The following KCTD16 variants were observed in gnomAD, a reference collection of about 807,000 sequenced individuals.
The protein encoded by KCTD16 is BTB/POZ domain-containing protein KCTD16.
A neutral mutation model predicts 33.2 loss-of-function variants in KCTD16; 13 were observed. The observed-to-expected ratio is 0.39, with a 90% CI of 0.25 to 0.62. The LOEUF is 0.62. Ranked by LOEUF, KCTD16 falls within the 20% of genes least tolerant of loss-of-function variation. The probability of loss-of-function intolerance (pLI) is 0.50; values close to 1 mark genes in which losing one functional copy is unlikely to be tolerated. For synonymous variants in KCTD16, 197 were observed against 195.3 expected (o/e 1.01, Z -0.07); for missense variants, 441 against 525.1 (o/e 0.84, Z 1.57).
At chr5:144,425,411 A>T (rs1232782537) in intron 3 of KCTD16, among the ~76,000 whole-genome samples, 1 of 151,648 alleles carries the variant, frequency 6.6e-6, no homozygotes, top group Admixed American at 6.6e-5. Flanking sequence ...CCTAGGCTGG[A>T]GCTGCACACT....
chr5:144,338,581 A>G (rs1752548654), intron 3 of KCTD16, among the ~76,000 whole-genome samples: 1 of 152,226 alleles, frequency 6.6e-6, no homozygotes, highest in Non-Finnish European at 1.5e-5. Context: ...GATGAAAGAA[A>G]AAACCCTGGG....
intron 2 of KCTD16, among the ~76,000 whole-genome samples, chr5:144,200,851 C>G (rs1231503473): frequency 6.6e-6 from 1 of 152,190 alleles, no homozygotes; most frequent in Non-Finnish European, 1.5e-5. Context: ...ATTCTCCCCC[C>G]TCAGCCTCCC....
intron 3 of KCTD16, among the ~76,000 whole-genome samples, chr5:144,338,741 G>C (rs1017283969): frequency 6.6e-6 from 1 of 152,278 alleles, no homozygotes; most frequent in Non-Finnish European, 1.5e-5. Flanking sequence ...TGTACTTGGA[G>C]TGAAGTGGAT....
intron 3 of KCTD16, among the ~76,000 whole-genome samples, chr5:144,397,955 G>A (rs923720639): frequency 7.9e-5 from 12 of 152,200 alleles, no homozygotes; most frequent in African/African-American, 2.9e-4. Flanking sequence ...TAAAATGACT[G>A]TGTTGGATAG....
At chr5:144,171,315 A>G (rs1476538765) in intron 1 of KCTD16, among the ~76,000 whole-genome samples, 2 of 152,196 alleles carry the variant, frequency 1.3e-5, no homozygotes, top group African/African-American at 4.8e-5. Flanking sequence ...AGTGGGAGTT[A>G]GAGAAGACCA....
chr5:144,276,863 A>C (rs952492177), intron 3 of KCTD16, among the ~76,000 whole-genome samples: 41 of 151,978 alleles, frequency 2.7e-4, no homozygotes, highest in Non-Finnish European at 5.4e-4. Flanking sequence ...AGATCAAGCC[A>C]CTGCACTCCA....
At chr5:144,307,434 C>T (rs957629211) in intron 3 of KCTD16, among the ~76,000 whole-genome samples, 3 of 152,136 alleles carry the variant, frequency 2.0e-5, no homozygotes, top group African/African-American at 7.2e-5. Context: ...CCCTCAGCAC[C>T]CATCTAGTGC....
intron 2 of KCTD16, among the ~76,000 whole-genome samples, chr5:144,183,994 A>G (rs1752676639): frequency 6.6e-6 from 1 of 152,184 alleles, no homozygotes; most frequent in African/African-American, 2.4e-5. Flanking sequence ...TTGTTACATT[A>G]TCATTCATTT....
intron 2 of KCTD16, among the ~76,000 whole-genome samples, chr5:144,203,927 A>C (rs1753101599): frequency 6.6e-6 from 1 of 152,228 alleles, no homozygotes; most frequent in Non-Finnish European, 1.5e-5. Flanking sequence ...AGCTTAGGGC[A>C]CTAGATGGCG....
At chr5:144,388,370 C>T (rs1052412905) in intron 3 of KCTD16, among the ~76,000 whole-genome samples, 3 of 151,954 alleles carry the variant, frequency 2.0e-5, no homozygotes, top group Non-Finnish European at 2.9e-5. Flanking sequence ...CGTGAGCCAC[C>T]GCGCCCGGCC....
At chr5:144,399,398 T>A (rs977564667) in intron 3 of KCTD16, among the ~76,000 whole-genome samples, 2 of 152,122 alleles carry the variant, frequency 1.3e-5, no homozygotes, top group African/African-American at 4.8e-5. Context: ...AAATAGACAG[T>A]GATTAGGCTT....
At chr5:144,299,096 G>T (rs897789623) in intron 3 of KCTD16, among the ~76,000 whole-genome samples, 3 of 10,782 alleles carry the variant, frequency 2.8e-4, no homozygotes, top group Non-Finnish European at 3.6e-4. Context: ...ATATCACTAT[G>T]TATATATATA....
intron 3 of KCTD16, among the ~76,000 whole-genome samples, chr5:144,373,328 A>C (rs1263870939): frequency 6.6e-6 from 1 of 152,220 alleles, no homozygotes; most frequent in East Asian, 1.9e-4. Context: ...GTGGTAAGCA[A>C]GACATGGGTG....
At chr5:144,448,309 C>G (rs1219633075) in intron 3 of KCTD16, among the ~76,000 whole-genome samples, 2 of 152,040 alleles carry the variant, frequency 1.3e-5, no homozygotes, top group Non-Finnish European at 2.9e-5. Flanking sequence ...CATTGTAAAT[C>G]TAGATTTTGT....
At chr5:144,275,913 C>A (rs988088401) in intron 3 of KCTD16, among the ~76,000 whole-genome samples, 2 of 152,166 alleles carry the variant, frequency 1.3e-5, no homozygotes, top group Non-Finnish European at 2.9e-5. Context: ...ATGACGAAAG[C>A]CTTTCTTGAC....
chr5:144,358,266 G>A (rs187333188), intron 3 of KCTD16, among the ~76,000 whole-genome samples: 62 of 152,158 alleles, frequency 4.1e-4, no homozygotes, highest in African/African-American at 1.4e-3. Context: ...CAGAGGCTTA[G>A]GCCCTGTTGA....
chr5:144,354,223 T>C (rs1751517714), intron 3 of KCTD16, among the ~76,000 whole-genome samples: 1 of 151,670 alleles, frequency 6.6e-6, no homozygotes, highest in African/African-American at 2.4e-5. Context: ...TTCAATTCAA[T>C]ATATATATAT....
intron 3 of KCTD16, among the ~76,000 whole-genome samples, chr5:144,259,257 C>CAAAAAAAAA (rs1166248798): frequency 2.1e-5 from 1 of 48,416 alleles, no homozygotes; most frequent in Non-Finnish European, 4.0e-5. Context: ...GACTCCATCT[C>CAAAAAAAAA]AAAAAAAAAA....
intron 3 of KCTD16, among the ~76,000 whole-genome samples, chr5:144,344,560 T>G (rs1186626876): frequency 6.6e-6 from 1 of 151,440 alleles, no homozygotes; most frequent in Non-Finnish European, 1.5e-5. Flanking sequence ...GAACAGACAC[T>G]TCTCAAAAGA....
Sources: gnomAD v4.1 joint callset for allele counts (sites outside exome capture counted in the v4.1 genomes callset) on GRCh38, gnomAD v4.1.1 for gene constraint, MANE v1.5 for transcripts, NCBI Gene and HGNC (gene_info 2026-07-23, HGNC 2026-07-21) for gene names.